The following NFATC2 variants were observed in gnomAD, a reference collection of about 807,000 sequenced individuals.
NFATC2 encodes nuclear factor of activated T-cells, cytoplasmic 2.
In NFATC2, 22 loss-of-function variants were observed where a neutral mutation model predicts 87.3. That is an observed-to-expected ratio of 0.25 (90% CI 0.18 to 0.36). The LOEUF (loss-of-function observed/expected upper bound fraction) is 0.36. Ranked by LOEUF, NFATC2 falls within the 10% of genes least tolerant of loss-of-function variation. The pLI is 1.00. For synonymous variants in NFATC2, 565 were observed against 542.2 expected (o/e 1.04, Z -0.58); for missense variants, 1,149 against 1,259.1 (o/e 0.91, Z 1.32).
chr20:51,399,592 TAGAGGCCTGG>T (rs1312404141), intron 9 of NFATC2, among the ~76,000 whole-genome samples: 1 of 152,242 alleles, frequency 6.6e-6, no homozygotes, highest in Non-Finnish European at 1.5e-5. Context: ...CTTATGCAGT[TAGAGGCCTGG>T]ATTTCCCAAT....
rs1242454126 is a variant in NFATC2, at chr20:51,562,045, G to A, written c.70+515C>T. ...CAGCAGGCACATCAAAAAGGGGGAA[G>A]AAAATAGTTTAAATGTCCCAGAGCA... On this transcript the variant is annotated intron_variant, in intron 1 of 10. Coordinates refer to the NFATC2 transcript ENST00000414705. The surrounding 1 kb of genome is among the most constrained non-coding windows in gnomAD (Gnocchi z 5.8). Among the ~76,000 whole-genome samples, 1 of 152,160 alleles carries A rather than the reference G, an allele frequency of 6.6e-6. No homozygotes were observed. The highest frequency in any genetic ancestry group is 1.5e-5 in the Non-Finnish European group (1 of 68,016).
intron 9 of NFATC2, among the ~76,000 whole-genome samples, chr20:51,415,163 T>C (rs1178437097): frequency 1.3e-5 from 2 of 150,804 alleles, no homozygotes; most frequent in African/African-American, 4.9e-5. Flanking sequence ...GGAGGATCAC[T>C]TGGGCCTGGG....
At position 51,389,750 on chromosome 20, in the gene NFATC2, A is replaced by C. The variant is rs1327679450; in HGVS notation, c.*1746T>G. Reference sequence around the variant, plus strand: ...TGGAGTGCCAAACACACCTGGCCCCACTCCCAGGAAGCTTTTACCTCTGGG... The same window carrying C: ...TGGAGTGCCAAACACACCTGGCCCCCCTCCCAGGAAGCTTTTACCTCTGGG... On this transcript the variant is annotated 3_prime_UTR_variant, in exon 11 of 11. Coordinates refer to ENST00000371564, the MANE Select transcript of NFATC2 (RefSeq NM_012340.5). 1 of 151,984 alleles carries C rather than the reference A, an allele frequency of 6.6e-6. No individual in the cohort carries two copies. Among genetic ancestry groups the C allele is most frequent in the Non-Finnish European group, 1.5e-5 (1 of 68,006 alleles). 9.4% of individuals were successfully genotyped at this position (151,984 alleles called of 1,614,324 possible).
chr20:51,483,615 CCACACA>C (rs140017162), intron 3 of NFATC2, among the ~76,000 whole-genome samples: 1 of 145,880 alleles, frequency 6.9e-6, no homozygotes, highest in East Asian at 2.0e-4. Context: ...CTCCCCCCCA[CCACACA>C]CACACACACA....
At chr20:51,396,674 A>C (rs941701074) in intron 10 of NFATC2, among the ~76,000 whole-genome samples, 2 of 152,176 alleles carry the variant, frequency 1.3e-5, no homozygotes, top group Non-Finnish European at 2.9e-5. Flanking sequence ...AGAATCTGAG[A>C]GCCAAGAGGG....
intron 2 of NFATC2, among the ~76,000 whole-genome samples, chr20:51,518,988 G>C (rs1404425903): frequency 6.6e-6 from 1 of 151,798 alleles, no homozygotes; most frequent in African/African-American, 2.4e-5. Context: ...TTTGTGGCGG[G>C]GCCAGCTGGG....
At chr20:51,438,431 T>C (rs1420895290) in intron 6 of NFATC2, among the ~76,000 whole-genome samples, 2 of 130,566 alleles carry the variant, frequency 1.5e-5, no homozygotes, top group Non-Finnish European at 3.2e-5. Context: ...TCCACTTATA[T>C]GAGCTTGCTT....
chr20:51,532,384 C>G (rs889577695), intron 1 of NFATC2, among the ~76,000 whole-genome samples: 6 of 152,096 alleles, frequency 3.9e-5, no homozygotes, highest in African/African-American at 1.4e-4. Context: ...ATGGCGACAC[C>G]CTGACCCTGA....
chr20:51,440,109 C>T (rs1423317834), intron 6 of NFATC2, among the ~76,000 whole-genome samples: 1 of 152,006 alleles, frequency 6.6e-6, no homozygotes, highest in African/African-American at 2.4e-5. Context: ...TGGTGGCATG[C>T]ACCTGTAATC....
chr20:51,439,652 C>A (rs963145484), intron 6 of NFATC2, among the ~76,000 whole-genome samples: 1 of 152,142 alleles, frequency 6.6e-6, no homozygotes, highest in African/African-American at 2.4e-5. Context: ...CTCTGCCAGG[C>A]CTTCCACAAC....
intron 9 of NFATC2, among the ~76,000 whole-genome samples, chr20:51,429,095 A>G (rs1246076626): frequency 6.6e-6 from 1 of 152,200 alleles, no homozygotes; most frequent in Non-Finnish European, 1.5e-5. Flanking sequence ...TCCAAATCTC[A>G]TATCCCTAGA....
intron 3 of NFATC2, among the ~76,000 whole-genome samples, chr20:51,479,982 C>G (rs564736885): frequency 2.0e-5 from 3 of 152,260 alleles, no homozygotes; most frequent in African/African-American, 7.2e-5. Flanking sequence ...TGCTAAGGTG[C>G]AACATCAAGA....
At position 51,516,744 on chromosome 20, in the gene NFATC2, CA is replaced by C. The variant is rs562167295; in HGVS notation, c.1332+39del. ...TCAGCAGAAGTGAATCTCTTAGTGA[CA>C]AACACCACACACAAAAGGAAGAGCA... On this transcript the variant is annotated intron_variant, in intron 3 of 10. Transcript: ENST00000371564. 202 of 1,555,158 alleles carry C rather than the reference CA, an allele frequency of 1.3e-4. No homozygotes were observed. The African/African-American group carries it at 2.6e-3, about 20-fold the overall frequency.
chr20:51,546,412 T>A (rs2076889786), upstream of NFATC2, among the ~76,000 whole-genome samples: 1 of 152,180 alleles, frequency 6.6e-6, no homozygotes, highest in Non-Finnish European at 1.5e-5. Context: ...TCTGTGCTCT[T>A]AGGAACAAGG....
At chr20:51,537,269 G>A (rs2076736538) in intron 1 of NFATC2, among the ~76,000 whole-genome samples, 1 of 146,026 alleles carries the variant, frequency 6.8e-6, no homozygotes. Context: ...GGTGCAGGGG[G>A]TATGTGGTGA....
In NFATC2 at chr20:51,435,740, A is replaced by G; in HGVS notation, c.1871T>C (p.Met624Thr). ...KTTDGQQIWE[M>T]EATVDKDKSQ... ...CTTGTCCTTATCCACCGTGGCTTCC[A>G]TCTCCCAAATTTGCTGTCCATCTAG... Residue 624 changes from methionine (M) to threonine (T), a missense_variant, in exon 7 of 11, where the codon ATG becomes ACG. Met to Thr is a moderately conservative substitution (Grantham distance 81, BLOSUM62 -1). Coordinates refer to ENST00000371564, the MANE Select transcript of NFATC2 (RefSeq NM_012340.5). 6.2e-7 allele frequency: 1 copy of G among 1,607,668 alleles called. No homozygotes were observed. Among genetic ancestry groups the G allele is most frequent in the South Asian group, 1.1e-5 (1 of 89,402 alleles).
At chr20:51,501,967 TA>T (rs1199495293) in intron 3 of NFATC2, among the ~76,000 whole-genome samples, 1 of 152,176 alleles carries the variant, frequency 6.6e-6, no homozygotes, top group Non-Finnish European at 1.5e-5. Context: ...TGTGTATCAA[TA>T]AAACCTTATT....
At chr20:51,416,867 G>T (rs998920249) in intron 9 of NFATC2, among the ~76,000 whole-genome samples, 1 of 152,128 alleles carries the variant, frequency 6.6e-6, no homozygotes, top group African/African-American at 2.4e-5. Context: ...GGGACAGTAG[G>T]GGCAGTAGCA....
chr20:51,548,106 T>C (rs1192193599), intron 1 of NFATC2, among the ~76,000 whole-genome samples: 2 of 152,174 alleles, frequency 1.3e-5, no homozygotes, highest in African/African-American at 2.4e-5. Flanking sequence ...TCCTTGGGTA[T>C]CATCTCCTGC....
Sources: gnomAD v4.1 joint callset for allele counts (sites outside exome capture counted in the v4.1 genomes callset) on GRCh38, gnomAD v4.1.1 for gene constraint, Gnocchi (gnomAD v3.1) non-coding constraint, MANE v1.5 for transcripts, NCBI Gene and HGNC (gene_info 2026-07-23, HGNC 2026-07-21) for gene names.